The following SLC24A3 variants were observed in gnomAD, a reference collection of about 807,000 sequenced individuals.
SLC24A3 encodes the protein sodium/potassium/calcium exchanger 3.
SLC24A3 carries 28 observed loss-of-function variants against 75.8 expected under a neutral mutation model. That is an observed-to-expected ratio of 0.37 (90% CI 0.27 to 0.51). SLC24A3 has a LOEUF of 0.51. Ranked by LOEUF, SLC24A3 falls within the 20% of genes least tolerant of loss-of-function variation. The pLI is 0.94. For synonymous variants in SLC24A3, 372 were observed against 334.1 expected (o/e 1.11, Z -1.24); for missense variants, 663 against 847.8 (o/e 0.78, Z 2.71).
intron 12 of SLC24A3, among the ~76,000 whole-genome samples, chr20:19,691,487 G>T (rs1211679378): frequency 6.6e-6 from 1 of 152,222 alleles, no homozygotes; most frequent in Non-Finnish European, 1.5e-5. Context: ...TCTAAGGGCA[G>T]TGGAGGCCAG....
At chr20:19,252,085 T>C (rs969075339) in intron 1 of SLC24A3, among the ~76,000 whole-genome samples, 7 of 152,204 alleles carry the variant, frequency 4.6e-5, no homozygotes, top group African/African-American at 1.7e-4. Context: ...TTGAAATTTA[T>C]GGTGGTGGTT....
chr20:19,439,896 G>A (rs1270507542), intron 2 of SLC24A3, among the ~76,000 whole-genome samples: 4 of 152,226 alleles, frequency 2.6e-5, no homozygotes, highest in African/African-American at 9.6e-5. Flanking sequence ...AACTGAGGAA[G>A]CTGTTGGCTT....
intron 6 of SLC24A3, among the ~76,000 whole-genome samples, chr20:19,632,437 C>T (rs1490474357): frequency 1.3e-5 from 2 of 152,152 alleles, no homozygotes; most frequent in Non-Finnish European, 2.9e-5. Flanking sequence ...TGGCCTCTTC[C>T]TTGTATCACT....
At chr20:19,466,119 T>A (rs936486300) in intron 2 of SLC24A3, among the ~76,000 whole-genome samples, 1 of 152,230 alleles carries the variant, frequency 6.6e-6, no homozygotes, top group Non-Finnish European at 1.5e-5. Flanking sequence ...AAAGTACAAA[T>A]GTATTTTCAC....
chr20:19,318,518 T>C (rs1032500868), intron 2 of SLC24A3, among the ~76,000 whole-genome samples: 17 of 152,194 alleles, frequency 1.1e-4, no homozygotes, highest in African/African-American at 4.8e-5. Context: ...AAAGCCGAGT[T>C]AGCTCTCCTC....
chr20:19,356,162 T>A (rs1286204531), intron 2 of SLC24A3, among the ~76,000 whole-genome samples: 1 of 152,178 alleles, frequency 6.6e-6, no homozygotes, highest in East Asian at 1.9e-4. Flanking sequence ...ATAAAACATT[T>A]CAGATACAAA....
At chr20:19,662,873 G>C (rs559347110) in intron 7 of SLC24A3, among the ~76,000 whole-genome samples, 1 of 152,170 alleles carries the variant, frequency 6.6e-6, no homozygotes, top group African/African-American at 2.4e-5. Context: ...CTGAGGGAGC[G>C]ATTCAAATGC....
chr20:19,617,492 T>C (rs942823839), intron 6 of SLC24A3, among the ~76,000 whole-genome samples: 7 of 152,128 alleles, frequency 4.6e-5, no homozygotes, highest in Non-Finnish European at 7.4e-5. Flanking sequence ...GAGGTGTCCA[T>C]TGGAGCTGGC....
rs574155402 is a variant in SLC24A3 at position 19,336,393 on chromosome 20, T to G, written c.271+55306T>G. Reference sequence around the variant, plus strand: ...TTCTGACTCCTGCCCTGGGCATTTTTTATTTATTTATTTATTTTTTTGAGA... The same window carrying G: ...TTCTGACTCCTGCCCTGGGCATTTTGTATTTATTTATTTATTTTTTTGAGA... On this transcript the variant is annotated intron_variant, in intron 2 of 16. Transcript: ENST00000328041. 3.2e-4 allele frequency among the ~76,000 whole-genome samples: 49 copies of G among 152,256 alleles called. No individual in the cohort carries two copies. The East Asian group carries it at 9.1e-3, about 28-fold the overall frequency.
intron 2 of SLC24A3, among the ~76,000 whole-genome samples, chr20:19,428,981 T>A (rs551774412): frequency 6.6e-6 from 1 of 152,354 alleles, no homozygotes; most frequent in African/African-American, 2.4e-5. Context: ...GGATGCCTTC[T>A]TTCCATCTTT....
At chr20:19,435,172 G>A (rs949067310) in intron 2 of SLC24A3, among the ~76,000 whole-genome samples, 1 of 152,184 alleles carries the variant, frequency 6.6e-6, no homozygotes, top group East Asian at 1.9e-4. Flanking sequence ...GCAAGGCCAG[G>A]TTTAAATCCT....
intron 1 of SLC24A3, among the ~76,000 whole-genome samples, chr20:19,252,958 A>G (rs1173451151): frequency 2.0e-5 from 3 of 152,212 alleles, no homozygotes; most frequent in Non-Finnish European, 2.9e-5. Context: ...GATTTATATA[A>G]TTATGCAATG....
intron 2 of SLC24A3, among the ~76,000 whole-genome samples, chr20:19,439,551 C>T (rs1194390052): frequency 6.6e-6 from 1 of 152,164 alleles, no homozygotes; most frequent in Non-Finnish European, 1.5e-5. Flanking sequence ...TTTGTTAGCA[C>T]ATGTGAGTAA....
chr20:19,618,397 C>G (rs1213714418), intron 6 of SLC24A3, among the ~76,000 whole-genome samples: 1 of 152,230 alleles, frequency 6.6e-6, no homozygotes, highest in Admixed American at 6.5e-5. Flanking sequence ...TTCCCCCTCC[C>G]CATGTCTTCA....
intron 2 of SLC24A3, among the ~76,000 whole-genome samples, chr20:19,497,528 TTGG>T (rs1364161496): frequency 6.6e-6 from 1 of 151,356 alleles, no homozygotes; most frequent in Non-Finnish European, 1.5e-5. Flanking sequence ...TTGCAGATGC[TTGG>T]TGCAGTCATT....
chr20:19,501,999 T>C (rs1045664037), intron 2 of SLC24A3, among the ~76,000 whole-genome samples: 1 of 151,996 alleles, frequency 6.6e-6, no homozygotes, highest in East Asian at 1.9e-4. Context: ...TGGTTTGCAG[T>C]CGCTTATGAA....
At chr20:19,560,932 A>G (rs2030865569) in intron 3 of SLC24A3, among the ~76,000 whole-genome samples, 1 of 152,220 alleles carries the variant, frequency 6.6e-6, no homozygotes. Flanking sequence ...CTTAATAATT[A>G]GAATCATATG....
chr20:19,574,088 ATTAT>A (rs769062692), intron 3 of SLC24A3, among the ~76,000 whole-genome samples: 7 of 152,190 alleles, frequency 4.6e-5, no homozygotes, highest in Non-Finnish European at 1.0e-4. Context: ...TGCTGCACAC[ATTAT>A]TGTTGAATTA....
At chr20:19,285,675 C>T (rs897528363) in intron 2 of SLC24A3, among the ~76,000 whole-genome samples, 19 of 150,120 alleles carry the variant, frequency 1.3e-4, no homozygotes, top group South Asian at 4.2e-4. Flanking sequence ...CTTAGCCTGA[C>T]ACTGCCGACT....
Sources: gnomAD v4.1 joint callset for allele counts (sites outside exome capture counted in the v4.1 genomes callset) on GRCh38, gnomAD v4.1.1 for gene constraint, MANE v1.5 for transcripts, NCBI Gene and HGNC (gene_info 2026-07-23, HGNC 2026-07-21) for gene names.